Variants in TNRC6A observed in about 807,000 individuals in gnomAD.
The protein encoded by TNRC6A is trinucleotide repeat containing adaptor 6A.
A neutral mutation model predicts 221.2 loss-of-function variants in TNRC6A; 44 were observed. The observed-to-expected ratio is 0.20, with a 90% CI of 0.16 to 0.26. The LOEUF is 0.26. Among genes scored for constraint, TNRC6A ranks in the 10% least tolerant of loss-of-function variants. The pLI is 1.00. For synonymous variants in TNRC6A, 847 were observed against 838.5 expected (o/e 1.01, Z -0.18); for missense variants, 2,199 against 2,404.4 (o/e 0.91, Z 1.79).
At chr16:24,673,752 AC>A (rs2055352216) in intron 2 of TNRC6A, among the ~76,000 whole-genome samples, 1 of 152,012 alleles carries the variant, frequency 6.6e-6, no homozygotes, top group African/African-American at 2.4e-5. Context: ...GTAGAGACAG[AC>A]TTTTGCCAGC....
chr16:24,806,850 C>G, intron 17 of TNRC6A, 66 bp downstream of exon 17: 1 of 1,425,450 alleles, frequency 7.0e-7, no homozygotes, highest in Non-Finnish European at 9.8e-7. Context: ...CTCCTTCACA[C>G]GTACCCTTAC....
chr16:24,808,978 C>G (rs2058489543), intron 17 of TNRC6A, among the ~76,000 whole-genome samples: 1 of 152,134 alleles, frequency 6.6e-6, no homozygotes. Context: ...CTGTCCCCAG[C>G]CTAGGTGTAA....
intron 2 of TNRC6A, among the ~76,000 whole-genome samples, chr16:24,681,502 G>A (rs1199885737): frequency 6.6e-6 from 1 of 152,174 alleles, no homozygotes; most frequent in African/African-American, 2.4e-5. Flanking sequence ...TGCTAGGATT[G>A]CAGGCGTGAG....
At position 24,619,709 on chromosome 16, in the gene TNRC6A, T is replaced by C. The variant is rs117330951; in HGVS notation, n.276+9225T>C. Among the ~76,000 whole-genome samples, 1,345 of 152,164 alleles carry C rather than the reference T, an allele frequency of 8.8e-3. 9 individuals carry two copies. The highest frequency in any genetic ancestry group is 0.015 in the Non-Finnish European group (1,049 of 68,006). ...CATCAGGATGACAAGGAGAGGAACG[T>C]CAGAGAATGTCCCTGACACGGGGAA... On this transcript the variant is annotated intron_variant and non_coding_transcript_variant, in intron 1 of 2. Coordinates refer to the TNRC6A transcript ENST00000566108.
intron 10 of TNRC6A, 68 bp downstream of exon 10, chr16:24,797,638 C>T: frequency 7.7e-7 from 1 of 1,305,040 alleles, no homozygotes; most frequent in Non-Finnish European, 1.1e-6. Context: ...TGATTTCACT[C>T]TTTTTAAGAA....
At chr16:24,822,836 T>C (rs2058794082) in intron 23 of TNRC6A, 38 bp from the exon 24 acceptor site, 1 of 1,611,578 alleles carries the variant, frequency 6.2e-7, no homozygotes, top group Non-Finnish European at 8.5e-7. Flanking sequence ...GGGCCCGCGG[T>C]GACGCCTCTC....
intron 2 of TNRC6A, among the ~76,000 whole-genome samples, chr16:24,723,503 A>T (rs1264191454): frequency 6.6e-6 from 1 of 151,792 alleles, no homozygotes. Flanking sequence ...CTGAGACAGG[A>T]GAATTGCTTG....
chr16:24,672,820 C>G (rs1159637774), intron 2 of TNRC6A, among the ~76,000 whole-genome samples: 1 of 152,106 alleles, frequency 6.6e-6, no homozygotes, highest in East Asian at 1.9e-4. Context: ...TGTAGATATA[C>G]TTACATACAT....
chr16:24,713,250 T>C (rs1408247286), intron 2 of TNRC6A, among the ~76,000 whole-genome samples: 1 of 151,890 alleles, frequency 6.6e-6, no homozygotes, highest in Non-Finnish European at 1.5e-5. Flanking sequence ...AAACCCCGCC[T>C]CTACTAAAAA....
Position 24,658,641 on chromosome 16 carries a change from A to AT in TNRC6A, n.402+17632_402+17633insT, listed in dbSNP as rs1235920904. Among the ~76,000 whole-genome samples, 8 of 151,714 alleles carry AT rather than the reference A, an allele frequency of 5.3e-5. No individual in the cohort carries two copies. In the South Asian group the frequency reaches 1.0e-3, roughly 20 times the overall value. Reference sequence around the variant, plus strand: ...CCAAAGTGCTGGGATTACAGGTATGAGCCACAGAGCCCCACCCACCCTGTT... The same window carrying AT: ...CCAAAGTGCTGGGATTACAGGTATGATGCCACAGAGCCCCACCCACCCTGTT... On this transcript the variant is annotated intron_variant and non_coding_transcript_variant, in intron 2 of 2. Coordinates refer to the TNRC6A transcript ENST00000566108.
chr16:24,738,994 GCAGGTGCATGC>G (rs2056833467), intron 2 of TNRC6A, among the ~76,000 whole-genome samples: 1 of 152,096 alleles, frequency 6.6e-6, no homozygotes, highest in Non-Finnish European at 1.5e-5. Flanking sequence ...AGCTGGGACT[GCAGGTGCATGC>G]CACCACGCCT....
At chr16:24,750,316 A>G (rs980886438) in intron 2 of TNRC6A, among the ~76,000 whole-genome samples, 3 of 152,198 alleles carry the variant, frequency 2.0e-5, no homozygotes, top group Admixed American at 6.5e-5. Context: ...AGCTTCCAGA[A>G]ACCTAGGTGA....
At chr16:24,615,343 C>A (rs1373123112) in intron 1 of TNRC6A, among the ~76,000 whole-genome samples, 1 of 152,060 alleles carries the variant, frequency 6.6e-6, no homozygotes, top group African/African-American at 2.4e-5. Context: ...GACTTGAGAT[C>A]CCGTGAGACA....
At chr16:24,643,473 C>G (rs1902104840) in intron 2 of TNRC6A, among the ~76,000 whole-genome samples, 1 of 151,936 alleles carries the variant, frequency 6.6e-6, no homozygotes, top group South Asian at 2.1e-4. Context: ...TGTGACCACC[C>G]CGATCCACCA....
intron 2 of TNRC6A, among the ~76,000 whole-genome samples, chr16:24,731,882 C>T (rs2056652348): frequency 6.6e-6 from 1 of 152,220 alleles, no homozygotes; most frequent in African/African-American, 2.4e-5. Flanking sequence ...ATCTATAAAA[C>T]GAGCGGCGTG....
chr16:24,651,932 CTA>C (rs997599710), intron 2 of TNRC6A, among the ~76,000 whole-genome samples: 10 of 137,100 alleles, frequency 7.3e-5, no homozygotes, highest in African/African-American at 3.1e-4. Flanking sequence ...GACCCCCTCT[CTA>C]AAAAAAAAAA....
At chr16:24,780,512 C>T (rs774823716) in intron 5 of TNRC6A, among the ~76,000 whole-genome samples, 1 of 152,118 alleles carries the variant, frequency 6.6e-6, no homozygotes. Context: ...CTTGTTTGTT[C>T]ACAGTATGTT....
At chr16:24,658,645 A>G (rs2054966444) in intron 2 of TNRC6A, among the ~76,000 whole-genome samples, 2 of 151,938 alleles carry the variant, frequency 1.3e-5, no homozygotes, top group Non-Finnish European at 2.9e-5. Flanking sequence ...GGTATGAGCC[A>G]CAGAGCCCCA....
In TNRC6A at chr16:24,825,334, G is replaced by A. The variant is rs1374426911; in HGVS notation, c.*1527G>A. 2.0e-5 allele frequency: 3 copies of A among 152,584 alleles called. No homozygotes were observed. Among genetic ancestry groups the A allele is most frequent in the Non-Finnish European group, 4.4e-5 (3 of 68,032 alleles). 9.5% of individuals were successfully genotyped at this position (152,584 alleles called of 1,614,324 possible). On this transcript the variant is annotated 3_prime_UTR_variant, in exon 25 of 25. Transcript: ENST00000395799. ...ATTCTAACTGTTTGTGTCCTAAGAT[G>A]CAAAAGAAGTCAGTGGCTTTTAACT...
Sources: allele counts gnomAD v4.1 joint callset (sites outside exome capture counted in the v4.1 genomes callset), GRCh38; gene constraint gnomAD v4.1.1; transcripts MANE v1.5; gene names NCBI Gene and HGNC (gene_info 2026-07-23, HGNC 2026-07-21).